The following OPCML variants were observed in gnomAD, a reference collection of about 807,000 sequenced individuals.
OPCML encodes opioid binding protein/cell adhesion molecule like.
A neutral mutation model predicts 37.8 loss-of-function variants in OPCML; 13 were observed. That is an observed-to-expected ratio of 0.34 (90% CI 0.22 to 0.55). OPCML has a LOEUF of 0.55. Among genes scored for constraint, OPCML ranks in the 20% least tolerant of loss-of-function variants. The probability of loss-of-function intolerance (pLI) is 0.91; values close to 1 mark genes in which losing one functional copy is unlikely to be tolerated. For synonymous variants in OPCML, 176 were observed against 168.8 expected (o/e 1.04, Z -0.33); for missense variants, 341 against 435.6 (o/e 0.78, Z 1.93).
intron 1 of OPCML, among the ~76,000 whole-genome samples, chr11:133,061,551 A>G (rs926131315): frequency 1.3e-5 from 2 of 152,210 alleles, no homozygotes; most frequent in African/African-American, 4.8e-5. Context: ...TGATGTAAAC[A>G]CTAATATTTT....
At chr11:132,987,488 T>C (rs2136808144) in intron 1 of OPCML, among the ~76,000 whole-genome samples, 1 of 152,260 alleles carries the variant, frequency 6.6e-6, no homozygotes, top group East Asian at 1.9e-4. Context: ...TAGTGGTTTG[T>C]GAAAGGCCCC....
intron 1 of OPCML, among the ~76,000 whole-genome samples, chr11:133,196,260 T>A (rs1322347396): frequency 1.3e-5 from 2 of 152,182 alleles, no homozygotes; most frequent in African/African-American, 4.8e-5. Flanking sequence ...TTGCTAGGTG[T>A]TATTAGTGGA....
At chr11:132,995,803 C>G (rs930144490) in intron 1 of OPCML, among the ~76,000 whole-genome samples, 3 of 152,076 alleles carry the variant, frequency 2.0e-5, no homozygotes, top group Admixed American at 6.5e-5. Flanking sequence ...TCCAGGATAA[C>G]CCCAGAGAAA....
At chr11:132,553,390 T>G (rs2096386913) in intron 3 of OPCML, among the ~76,000 whole-genome samples, 1 of 152,124 alleles carries the variant, frequency 6.6e-6, no homozygotes, top group African/African-American at 2.4e-5. Flanking sequence ...TAAGTCGGTG[T>G]GTACAAAAGA....
At chr11:132,770,412 G>A (rs1946598579) in intron 2 of OPCML, among the ~76,000 whole-genome samples, 1 of 152,070 alleles carries the variant, frequency 6.6e-6, no homozygotes. Context: ...AAGACACGGA[G>A]GGAGGGAAAA....
At chr11:133,036,765 G>A (rs762499718) in intron 1 of OPCML, among the ~76,000 whole-genome samples, 5 of 152,216 alleles carry the variant, frequency 3.3e-5, no homozygotes, top group Non-Finnish European at 7.3e-5. Context: ...ACTACATTCT[G>A]CATTCAGAAA....
At chr11:133,133,410 G>A (rs1043122402) in intron 1 of OPCML, among the ~76,000 whole-genome samples, 9 of 152,086 alleles carry the variant, frequency 5.9e-5, no homozygotes, top group East Asian at 1.9e-4. Flanking sequence ...AAACATTTTC[G>A]TTTCTTCCAT....
chr11:132,428,381 GGCAAC>G (rs2095984635), intron 7 of OPCML, among the ~76,000 whole-genome samples: 1 of 152,140 alleles, frequency 6.6e-6, no homozygotes, highest in Non-Finnish European at 1.5e-5. Context: ...ACAGTTACTG[GGCAAC>G]GCTCACTGGA....
rs954178560 is a variant in OPCML, at chr11:133,420,446, A to G, written c.61+111818T>C. On this transcript the variant is annotated intron_variant, in intron 1 of 7. Transcript: ENST00000524381. Reference sequence around the variant, plus strand: ...TCAGTTGAATTTCAGTTTGTTTTCAATTTTTGTTTTCCTCTCGTATGCTTC... The same window carrying G: ...TCAGTTGAATTTCAGTTTGTTTTCAGTTTTTGTTTTCCTCTCGTATGCTTC... The G allele has an allele frequency of 7.1e-6, 7 of 985,098 alleles. No homozygotes were observed. In the African/African-American group the frequency reaches 1.2e-4, roughly 17 times the overall value. The allele number at this position is 985,098 out of a possible 1,614,324, so 61.0% of individuals were successfully genotyped here. A position where few individuals can be genotyped will look rare whatever the true frequency, so the allele number is the denominator to read the frequency against.
chr11:133,524,272 T>A (rs1948447659), intron 1 of OPCML, among the ~76,000 whole-genome samples: 1 of 152,198 alleles, frequency 6.6e-6, no homozygotes, highest in South Asian at 2.1e-4. Flanking sequence ...AGTGAGTAGG[T>A]GCAAGAAGTG....
chr11:132,971,609 G>A (rs533562285), intron 1 of OPCML, among the ~76,000 whole-genome samples: 1 of 152,204 alleles, frequency 6.6e-6, no homozygotes, highest in Non-Finnish European at 1.5e-5. Context: ...ATGGCAAAGA[G>A]CTTTCTTCTC....
chr11:133,140,528 T>TAAGAAGAAGAAGAAG (rs1489312604), intron 1 of OPCML, among the ~76,000 whole-genome samples: 817 of 61,124 alleles, frequency 0.013, 2 homozygotes, highest in Middle Eastern at 0.034. Flanking sequence ...ATAATAATAA[T>TAAGAAGAAGAAGAAG]AATAAGAAGA....
At chr11:132,721,246 T>C (rs1456767771) in intron 2 of OPCML, among the ~76,000 whole-genome samples, 2 of 152,204 alleles carry the variant, frequency 1.3e-5, no homozygotes, top group Non-Finnish European at 2.9e-5. Context: ...ACGCACACTG[T>C]CATATTCATG....
intron 1 of OPCML, among the ~76,000 whole-genome samples, chr11:133,487,603 T>A (rs1355611828): frequency 6.6e-6 from 1 of 152,032 alleles, no homozygotes; most frequent in Non-Finnish European, 1.5e-5. Flanking sequence ...TTATCATGAG[T>A]CCTCCCCACA....
intron 4 of OPCML, among the ~76,000 whole-genome samples, chr11:132,485,665 G>T (rs1209078381): frequency 2.0e-5 from 3 of 152,228 alleles, no homozygotes; most frequent in Non-Finnish European, 2.9e-5. Context: ...ATCTTTTGTG[G>T]CTGGCTTCTT....
intron 3 of OPCML, among the ~76,000 whole-genome samples, chr11:132,566,242 G>A (rs1214641124): frequency 6.6e-6 from 1 of 152,096 alleles, no homozygotes; most frequent in Admixed American, 6.6e-5. Context: ...TGAAATCTTT[G>A]GTCCCAATTC....
intron 3 of OPCML, among the ~76,000 whole-genome samples, chr11:132,541,555 G>A (rs1460033905): frequency 6.7e-6 from 1 of 149,252 alleles, no homozygotes; most frequent in Non-Finnish European, 1.5e-5. Flanking sequence ...CATTTATTGA[G>A]AACTTAATAA....
chr11:133,294,038 T>A (rs1942558776), intron 1 of OPCML, among the ~76,000 whole-genome samples: 1 of 151,578 alleles, frequency 6.6e-6, no homozygotes, highest in Non-Finnish European at 1.5e-5. Context: ...TGAGAAGAGT[T>A]AAGGGAATCT....
At chr11:133,377,408 G>A (rs184371850) in intron 1 of OPCML, among the ~76,000 whole-genome samples, 1 of 151,798 alleles carries the variant, frequency 6.6e-6, no homozygotes, top group Non-Finnish European at 1.5e-5. Context: ...GTCTGCTGTC[G>A]GTTGAGTTTT....
Sources: allele counts gnomAD v4.1 joint callset (sites outside exome capture counted in the v4.1 genomes callset), GRCh38; gene constraint gnomAD v4.1.1; transcripts MANE v1.5; gene names NCBI Gene and HGNC (gene_info 2026-07-23, HGNC 2026-07-21).